The following MTUS2 variants were observed in gnomAD, a reference collection of about 807,000 sequenced individuals.
MTUS2 encodes microtubule associated scaffold protein 2, also known as microtubule-associated tumor suppressor candidate 2.
A neutral mutation model predicts 114.1 loss-of-function variants in MTUS2; 40 were observed. The ratio of observed to expected loss-of-function variants is 0.35; its 90% CI spans 0.27 to 0.46. MTUS2 has a LOEUF of 0.46. Among genes scored for constraint, MTUS2 ranks in the 20% least tolerant of loss-of-function variants. The probability of loss-of-function intolerance (pLI) is 1.00; values close to 1 mark genes in which losing one functional copy is unlikely to be tolerated. For synonymous variants in MTUS2, 688 were observed against 672.0 expected, an observed-to-expected ratio of 1.02 and a Z score of -0.37; for missense variants, 1,679 against 1,705.4, an observed-to-expected ratio of 0.98 and a Z score of 0.27.
At chr13:29,291,798 G>A (rs1898727756) in intron 6 of MTUS2, among the ~76,000 whole-genome samples, 1 of 151,990 alleles carries the variant, frequency 6.6e-6, no homozygotes. Context: ...CACAGAAAAT[G>A]GAATTGAGTT....
intron 5 of MTUS2, among the ~76,000 whole-genome samples, chr13:29,216,323 G>C (rs1428508150): frequency 6.6e-6 from 1 of 152,210 alleles, no homozygotes; most frequent in African/African-American, 2.4e-5. Context: ...CATGGGGTGG[G>C]ATCCGCTGAG....
intron 5 of MTUS2, among the ~76,000 whole-genome samples, chr13:29,257,816 A>G (rs1176741423): frequency 3.3e-5 from 5 of 152,162 alleles, no homozygotes; most frequent in Non-Finnish European, 7.4e-5. Context: ...AAGATTCTGA[A>G]ATTTTTCTGA....
At chr13:28,966,746 A>AAAC (rs1273620708) in intron 2 of MTUS2, among the ~76,000 whole-genome samples, 1 of 144,274 alleles carries the variant, frequency 6.9e-6, no homozygotes, top group African/African-American at 2.6e-5. Context: ...AAAAAAAAAA[A>AAAC]AACAAAGAAC....
intron 7 of MTUS2, among the ~76,000 whole-genome samples, chr13:29,358,329 T>C (rs1869925305): frequency 6.6e-6 from 1 of 152,130 alleles, no homozygotes; most frequent in African/African-American, 2.4e-5. Context: ...GCCTTTTCTT[T>C]TTTGAGCTTC....
intron 9 of MTUS2, among the ~76,000 whole-genome samples, chr13:29,449,970 C>T (rs1448912108): frequency 6.6e-6 from 1 of 152,208 alleles, no homozygotes; most frequent in Admixed American, 6.5e-5. Context: ...GCTCCCCGTC[C>T]TCGGGGACCC....
chr13:29,323,558 C>G (rs1209490353), intron 6 of MTUS2, among the ~76,000 whole-genome samples: 1 of 152,068 alleles, frequency 6.6e-6, no homozygotes, highest in East Asian at 1.9e-4. Flanking sequence ...CCTGATATGG[C>G]TCTTTTTAAA....
intron 5 of MTUS2, among the ~76,000 whole-genome samples, chr13:29,137,191 C>T (rs921537934): frequency 6.6e-6 from 1 of 152,134 alleles, no homozygotes; most frequent in Non-Finnish European, 1.5e-5. Context: ...TGCCTTCTGG[C>T]CTCCAATGTT....
chr13:29,388,086 C>T (rs1333252981), intron 8 of MTUS2, among the ~76,000 whole-genome samples: 2 of 152,094 alleles, frequency 1.3e-5, no homozygotes, highest in African/African-American at 4.8e-5. Flanking sequence ...CCCCAGAGCC[C>T]AAGAAGGACT....
At chr13:28,980,971 G>A (rs1257082192) in intron 2 of MTUS2, among the ~76,000 whole-genome samples, 1 of 152,232 alleles carries the variant, frequency 6.6e-6, no homozygotes, top group African/African-American at 2.4e-5. Context: ...TCTGGGACAT[G>A]TCTTGACTTA....
intron 2 of MTUS2, among the ~76,000 whole-genome samples, 158 bp from the exon 3 acceptor site, chr13:29,024,299 G>A (rs893021813): frequency 6.6e-6 from 1 of 151,982 alleles, no homozygotes; most frequent in African/African-American, 2.4e-5. Flanking sequence ...TTTTGTATTT[G>A]GCCAGGAGGA....
chr13:28,909,215 A>C (rs1328146425), intron 2 of MTUS2, among the ~76,000 whole-genome samples: 1 of 151,228 alleles, frequency 6.6e-6, no homozygotes, highest in Non-Finnish European at 1.5e-5. Flanking sequence ...AGTTTTTTCC[A>C]ATTCTGTGTA....
At chr13:29,228,057 A>ACATATAAAT (rs1896180473) in intron 5 of MTUS2, among the ~76,000 whole-genome samples, 1 of 152,156 alleles carries the variant, frequency 6.6e-6, no homozygotes, top group Non-Finnish European at 1.5e-5. Flanking sequence ...TCACCCAGCA[A>ACATATAAAT]TCTTACTCCT....
chr13:28,840,141 T>C (rs887488114), intron 2 of MTUS2, among the ~76,000 whole-genome samples: 8 of 152,000 alleles, frequency 5.3e-5, no homozygotes, highest in Non-Finnish European at 1.0e-4. Context: ...ACCTCTTACT[T>C]AGTAGTAATT....
Position 28,820,537 on chromosome 13 carries a change from C to G in MTUS2, c.-390C>G, listed in dbSNP as rs1296440480. 1 of 152,970 alleles carries G rather than the reference C, an allele frequency of 6.5e-6. No homozygotes were observed. The highest frequency in any genetic ancestry group is 2.4e-5 in the African/African-American group (1 of 41,468). The allele number at this position is 152,970 out of a possible 1,614,324, so 9.5% of individuals were successfully genotyped here. A position where few individuals can be genotyped will look rare whatever the true frequency, so the allele number is the denominator to read the frequency against. On this transcript the variant is annotated 5_prime_UTR_variant, in exon 1 of 16. Transcript: ENST00000612955. ...GAGGAAGCAGCGTGGCGGAACCCGG[C>G]CCGAGATGAGCGTCTCCGTGAGGGC...
chr13:29,092,764 G>T (rs1458941789), intron 4 of MTUS2, among the ~76,000 whole-genome samples: 1 of 139,952 alleles, frequency 7.1e-6, no homozygotes, highest in Non-Finnish European at 1.6e-5. Flanking sequence ...GGCTGGCAAA[G>T]TGACAGAAAA....
At chr13:29,455,573 A>C (rs73444079) in intron 9 of MTUS2, among the ~76,000 whole-genome samples, 11,004 of 152,264 alleles carry the variant, frequency 0.072, 475 homozygotes, top group African/African-American at 0.12. Context: ...TTAAAGGAAG[A>C]CAGTGTCATA....
chr13:29,029,109 T>A (rs894626615), intron 3 of MTUS2, among the ~76,000 whole-genome samples: 9 of 152,168 alleles, frequency 5.9e-5, no homozygotes, highest in African/African-American at 1.9e-4. Context: ...TTGCCGCAGG[T>A]CCTTAGCAAC....
intron 4 of MTUS2, among the ~76,000 whole-genome samples, chr13:29,050,364 T>C (rs1887835329): frequency 6.6e-6 from 1 of 152,128 alleles, no homozygotes; most frequent in Admixed American, 6.5e-5. Flanking sequence ...AAGAAGCTTA[T>C]TCCAGCCACC....
rs775648048 is a variant in MTUS2 at position 29,498,519 on chromosome 13, T to A, written c.3780T>A (p.Ile1260=). 4.9e-5 allele frequency: 79 copies of A among 1,613,982 alleles called. No individual in the cohort carries two copies. The highest frequency in any genetic ancestry group is 6.4e-5 in the Non-Finnish European group (76 of 1,180,028). The change falls in exon 14 of 16, where the codon ATT becomes ATA. Residue 1260 remains isoleucine, a synonymous_variant. Transcript: ENST00000612955. ...NQQIHEQEKK[I]LELEKLAEKN... ...AAATACACGAGCAAGAAAAGAAGAT[T>A]CTTGAGCTGGAAAAGCTGGTGAGTT...
Sources: gnomAD v4.1 joint callset for allele counts (sites outside exome capture counted in the v4.1 genomes callset) on GRCh38, gnomAD v4.1.1 for gene constraint, MANE v1.5 for transcripts, NCBI Gene and HGNC (gene_info 2026-07-23, HGNC 2026-07-21) for gene names.